Variants in CFDP1 observed in about 807,000 individuals in gnomAD.
CFDP1 encodes heterochromatin-stabilizing protein CFDP1.
In CFDP1, 31 loss-of-function variants were observed where a neutral mutation model predicts 40.1. That is an observed-to-expected ratio of 0.77 (90% CI 0.58 to 1.04). The LOEUF (loss-of-function observed/expected upper bound fraction) is 1.04, where lower values mean the gene tolerates loss of function less well. Among genes scored for constraint, CFDP1 ranks in the 50% least tolerant of loss-of-function variants. The pLI, the probability that CFDP1 is intolerant of heterozygous loss-of-function variation, is 0.00. For missense variants in CFDP1, 423 were observed against 343.4 expected (o/e 1.23, Z -1.83); for synonymous variants, 167 against 120.0 (o/e 1.39, Z -2.56).
chr16:75,378,614 G>C (rs1373396198), intron 5 of CFDP1, among the ~76,000 whole-genome samples: 2 of 152,130 alleles, frequency 1.3e-5, no homozygotes, highest in East Asian at 3.9e-4. Flanking sequence ...TCACAGCGTA[G>C]TGATGGAGAC....
intron 5 of CFDP1, among the ~76,000 whole-genome samples, chr16:75,326,265 G>A (rs1201668285): frequency 6.6e-6 from 1 of 152,084 alleles, no homozygotes; most frequent in Non-Finnish European, 1.5e-5. Context: ...GGTTTTGGAG[G>A]GCTAGTTTTA....
chr16:75,296,372 G>A (rs1039998855), intron 6 of CFDP1, among the ~76,000 whole-genome samples: 2 of 151,968 alleles, frequency 1.3e-5, no homozygotes, highest in Admixed American at 6.6e-5. Context: ...CAGGTAGCTG[G>A]GACCACAGGC....
In CFDP1 at chr16:75,414,645, C is replaced by T. The variant is rs752786709; in HGVS notation, c.115G>A (p.Val39Met). ...DVNELVKEDE[V>M]DGEEQTQKTQ... is the part of the protein sequence containing the mutation. ...TTCTGTGTCTGCTCTTCACCATCCA[C>T]TTCATCTTCCTTCACTAATTCATTT... The change falls in exon 2 of 7, where the codon GTG becomes ATG. Residue 39 changes from valine to methionine, a missense_variant. Coordinates refer to ENST00000283882, the MANE Select transcript of CFDP1 (RefSeq NM_006324.3). The T allele has an allele frequency of 2.5e-6, 4 of 1,613,792 alleles. No individual in the cohort carries two copies. The highest frequency in any genetic ancestry group is 1.7e-6 in the Non-Finnish European group (2 of 1,179,778).
chr16:75,337,442 T>C (rs1487161085), intron 5 of CFDP1, among the ~76,000 whole-genome samples: 1 of 152,206 alleles, frequency 6.6e-6, no homozygotes, highest in Non-Finnish European at 1.5e-5. Context: ...CCCCTCCTTA[T>C]TGCTGCCACA....
rs181607849 is a variant in CFDP1 at position 75,401,321 on chromosome 16, G to A, written c.531-6112C>T. On this transcript the variant is annotated intron_variant, in intron 4 of 6. Transcript: ENST00000283882. ...CGAGCGCCTGTAGTCCCTGCTACTCGGGAGGCTGAGGCAGGAGAATGGCGT... is the reference window on the plus strand; with the variant it reads ...CGAGCGCCTGTAGTCCCTGCTACTCAGGAGGCTGAGGCAGGAGAATGGCGT... Among the ~76,000 whole-genome samples the A allele has an allele frequency of 8.6e-5, 13 of 151,828 alleles. No homozygotes were observed. The East Asian group carries it at 1.2e-3, about 14-fold the overall frequency.
At chr16:75,420,005 G>C (rs1042095064) in intron 1 of CFDP1, among the ~76,000 whole-genome samples, 9 of 150,996 alleles carry the variant, frequency 6.0e-5, no homozygotes, top group Non-Finnish European at 8.8e-5. Flanking sequence ...CTTGGGGTCT[G>C]GGTCTGGATC....
At chr16:75,352,006 T>TAAA (rs2078615298) in intron 5 of CFDP1, among the ~76,000 whole-genome samples, 1 of 22,556 alleles carries the variant, frequency 4.4e-5, no homozygotes, top group Non-Finnish European at 9.0e-5. Context: ...AGACTCTGTC[T>TAAA]CAAAAAAAAA....
At chr16:75,346,977 CAGG>C (rs2078571288) in intron 5 of CFDP1, among the ~76,000 whole-genome samples, 1 of 151,996 alleles carries the variant, frequency 6.6e-6, no homozygotes, top group Non-Finnish European at 1.5e-5. Context: ...GTCCCGGGAG[CAGG>C]AGTTCAGTAA....
intron 1 of CFDP1, among the ~76,000 whole-genome samples, chr16:75,415,203 GAACA>G (rs1176571795): frequency 6.6e-6 from 1 of 152,126 alleles, no homozygotes; most frequent in African/African-American, 2.4e-5. Flanking sequence ...ATAGCAGAAA[GAACA>G]AACACACCCA....
At chr16:75,422,465 T>C (rs962578757) in intron 1 of CFDP1, among the ~76,000 whole-genome samples, 38 of 147,804 alleles carry the variant, frequency 2.6e-4, no homozygotes, top group Admixed American at 1.2e-3. Flanking sequence ...AGTGGCATGA[T>C]CTTGGCTCAC....
At position 75,293,896 on chromosome 16, in the gene CFDP1, C is replaced by G; in HGVS notation, c.*56G>C. 2.1e-6 allele frequency: 3 copies of G among 1,408,532 alleles called. No individual in the cohort carries two copies. The highest frequency in any genetic ancestry group is 3.0e-6 in the Non-Finnish European group (3 of 997,416). The allele number at this position is 1,408,532 out of a possible 1,614,324, so 87.3% of individuals were successfully genotyped here. ...AACACTGTAAAACATTTCACAGACG[C>G]ACAAAAAGCTCACATTGTAAACAGG... is the stretch of plus-strand genomic sequence containing the variant. On this transcript the variant is annotated 3_prime_UTR_variant, in exon 7 of 7. Coordinates refer to ENST00000283882, the MANE Select transcript of CFDP1 (RefSeq NM_006324.3).
intron 5 of CFDP1, among the ~76,000 whole-genome samples, chr16:75,349,311 ACCAG>A (rs1363458205): frequency 2.0e-5 from 3 of 151,690 alleles, no homozygotes; most frequent in Non-Finnish European, 4.4e-5. Flanking sequence ...GCAGTTCAGG[ACCAG>A]CCAGGCCAAA....
intron 1 of CFDP1, among the ~76,000 whole-genome samples, chr16:75,426,260 G>C (rs935252934): frequency 5.9e-5 from 9 of 151,578 alleles, no homozygotes; most frequent in African/African-American, 2.2e-4. Context: ...TGAGGCAGGA[G>C]AATCCCTTGA....
At chr16:75,348,125 T>C (rs1478910779) in intron 5 of CFDP1, among the ~76,000 whole-genome samples, 2 of 152,196 alleles carry the variant, frequency 1.3e-5, no homozygotes, top group Non-Finnish European at 2.9e-5. Context: ...TTAATTTCTT[T>C]CTTTTTTAGA....
At chr16:75,326,633 C>T (rs968288735) in intron 5 of CFDP1, among the ~76,000 whole-genome samples, 4 of 152,178 alleles carry the variant, frequency 2.6e-5, no homozygotes, top group African/African-American at 4.8e-5. Context: ...CAAAAAGGAA[C>T]TGGTGCTTCT....
chr16:75,427,768 T>A (rs1199918627), intron 1 of CFDP1, among the ~76,000 whole-genome samples: 2 of 152,218 alleles, frequency 1.3e-5, no homozygotes, highest in Admixed American at 6.5e-5. Context: ...TGAAAACCCA[T>A]GTTCACAGAA....
chr16:75,368,075 CCA>C (rs1438650047), intron 5 of CFDP1, among the ~76,000 whole-genome samples: 1 of 151,926 alleles, frequency 6.6e-6, no homozygotes, highest in Admixed American at 6.6e-5. Context: ...TGCCCTCTGG[CCA>C]CAGAGAAGAC....
intron 5 of CFDP1, among the ~76,000 whole-genome samples, chr16:75,315,622 T>A (rs1338207760): frequency 6.6e-6 from 1 of 152,188 alleles, no homozygotes; most frequent in Non-Finnish European, 1.5e-5. Flanking sequence ...ACAGAACCAC[T>A]ATTTATCTAA....
In CFDP1 at chr16:75,421,076, G is replaced by C. The variant is rs1011627358; in HGVS notation, c.65-6381C>G. ...GGGAGGGGGTCCCTGGAGAATCTCC[G>C]GCCAGCCAGCAGACTAGGAGGCATG... On this transcript the variant is annotated intron_variant, in intron 1 of 6. Coordinates refer to ENST00000283882, the MANE Select transcript of CFDP1 (RefSeq NM_006324.3). Among the ~76,000 whole-genome samples the C allele has an allele frequency of 5.3e-5, 8 of 152,120 alleles. No individual in the cohort carries two copies. In the East Asian group the frequency reaches 5.8e-4, roughly 11 times the overall value.
Sources: allele counts gnomAD v4.1 joint callset (sites outside exome capture counted in the v4.1 genomes callset), GRCh38; gene constraint gnomAD v4.1.1; transcripts MANE v1.5; gene names NCBI Gene and HGNC (gene_info 2026-07-23, HGNC 2026-07-21).